The following TIA1 variants were observed in gnomAD, a reference collection of about 807,000 sequenced individuals.
The protein encoded by TIA1 is cytotoxic granule associated RNA binding protein TIA1.
In TIA1, 23 loss-of-function variants were observed where a neutral mutation model predicts 65.9. That is an observed-to-expected ratio of 0.35 (90% CI 0.25 to 0.49). TIA1 has a LOEUF of 0.49. TIA1 is among the 20% of genes least tolerant of loss of function. TIA1 has a pLI of 0.98. For synonymous variants in TIA1, 147 were observed against 149.4 expected, an observed-to-expected ratio of 0.98 and a Z score of 0.12; for missense variants, 371 against 477.9, an observed-to-expected ratio of 0.78 and a Z score of 2.09.
intron 7 of TIA1, 52 bp downstream of exon 7, chr2:70,224,502 T>C (rs945386475): frequency 1.9e-6 from 3 of 1,609,124 alleles, no homozygotes; most frequent in Non-Finnish European, 2.5e-6. Flanking sequence ...AAACGGAGTG[T>C]TTCCATTCTT....
chr2:70,231,921 C>T (rs910563726), intron 2 of TIA1, among the ~76,000 whole-genome samples: 3 of 152,102 alleles, frequency 2.0e-5, no homozygotes, highest in Non-Finnish European at 2.9e-5. Context: ...ATTATCTTCC[C>T]GCCAGGCGCA....
chr2:70,223,391 T>C (rs987265702), intron 7 of TIA1, among the ~76,000 whole-genome samples: 4 of 152,184 alleles, frequency 2.6e-5, no homozygotes, highest in Admixed American at 6.5e-5. Flanking sequence ...TGAGCTTGTA[T>C]TGTTTTCACC....
At chr2:70,232,219 A>AAG (rs1553447438) in intron 2 of TIA1, among the ~76,000 whole-genome samples, 1 of 146,606 alleles carries the variant, frequency 6.8e-6, no homozygotes, top group Non-Finnish European at 1.5e-5. Context: ...AAAAAAAAAA[A>AAG]AAAAAAGAAA....
chr2:70,231,803 T>C (rs1258667493), intron 2 of TIA1, among the ~76,000 whole-genome samples: 1 of 152,186 alleles, frequency 6.6e-6, no homozygotes, highest in Admixed American at 6.5e-5. Context: ...TATAGGTAAA[T>C]AGGCTCTGAA....
At chr2:70,213,044 G>C (rs1353689080) in intron 12 of TIA1, among the ~76,000 whole-genome samples, 199 bp from the exon 13 acceptor site, 1 of 152,182 alleles carries the variant, frequency 6.6e-6, no homozygotes, top group Admixed American at 6.5e-5. Context: ...ATCCCTGTAT[G>C]TTTAATTTGG....
intron 1 of TIA1, among the ~76,000 whole-genome samples, chr2:70,242,409 G>C (rs1280033566): frequency 7.7e-6 from 1 of 130,334 alleles, no homozygotes; most frequent in Non-Finnish European, 1.6e-5. Flanking sequence ...GTGGGCGAGA[G>C]AATCACCTGA....
rs543287782 is a variant in TIA1 at position 70,217,908 on chromosome 2, A to ATC, written c.475-915_475-914insGA. ...AGATATCATAAAGTTCATGCAACTC[A>ATC]GACTACTATAGAAGAAAATCTTAAA... On this transcript the variant is annotated intron_variant, in intron 7 of 12. Transcript: ENST00000433529. Among the ~76,000 whole-genome samples, 173 of 152,362 alleles carry ATC rather than the reference A, an allele frequency of 1.1e-3. No homozygotes were observed. In the South Asian group the frequency reaches 0.021, roughly 19 times the overall value.
At chr2:70,245,265 G>A (rs1693786539) in intron 1 of TIA1, among the ~76,000 whole-genome samples, 2 of 152,344 alleles carry the variant, frequency 1.3e-5, no homozygotes, top group Non-Finnish European at 2.9e-5. Flanking sequence ...GGGATTACAG[G>A]TGTGAGCCAC....
chr2:70,240,349 C>T (rs1369133390), intron 1 of TIA1, among the ~76,000 whole-genome samples: 1 of 152,110 alleles, frequency 6.6e-6, no homozygotes, highest in East Asian at 1.9e-4. Flanking sequence ...AAAACAATTC[C>T]ATGAATCCAG....
rs1446972622 is a variant in TIA1 at position 70,211,385 on chromosome 2, T to TGA, written c.*1333_*1334insTC. The TGA allele has an allele frequency of 6.6e-6, 1 of 152,152 alleles. No individual in the cohort carries two copies. Among genetic ancestry groups the TGA allele is most frequent in the Non-Finnish European group, 1.5e-5 (1 of 68,022 alleles). The allele number at this position is 152,152 out of a possible 1,614,324, so 9.4% of individuals were successfully genotyped here. On this transcript the variant is annotated 3_prime_UTR_variant, in exon 13 of 13. Transcript: ENST00000433529. Reference sequence around the variant, plus strand: ...ATAATGATTGCACTGAGGATTCTCTTATCTGAAGGCTGTTTAAAGAGGTAG... The same window carrying TGA: ...ATAATGATTGCACTGAGGATTCTCTTGAATCTGAAGGCTGTTTAAAGAGGTAG...
chr2:70,236,202 C>CA, intron 1 of TIA1, 27 bp from the exon 2 acceptor site: 19 of 1,179,450 alleles, frequency 1.6e-5, no homozygotes, highest in African/African-American at 3.2e-5. Context: ...AACAATTTAC[C>CA]TTTTTTTTTT....
intron 2 of TIA1, among the ~76,000 whole-genome samples, chr2:70,231,526 C>T (rs1343948341): frequency 6.6e-6 from 1 of 151,876 alleles, no homozygotes; most frequent in Non-Finnish European, 1.5e-5. Flanking sequence ...TACTATAGTA[C>T]TATAATTTAA....
At chr2:70,234,571 T>C (rs1457223923) in intron 2 of TIA1, among the ~76,000 whole-genome samples, 4 of 152,148 alleles carry the variant, frequency 2.6e-5, no homozygotes, top group Non-Finnish European at 4.4e-5. Flanking sequence ...ATTGGATAAA[T>C]ATATATTTTT....
At chr2:70,240,151 G>A (rs1288462212) in intron 1 of TIA1, among the ~76,000 whole-genome samples, 1 of 152,008 alleles carries the variant, frequency 6.6e-6, no homozygotes, top group African/African-American at 2.4e-5. Flanking sequence ...TGAGAGCTTT[G>A]GCTGTTACCA....
Position 70,247,631 on chromosome 2 carries a change from T to C in TIA1, c.26+774A>G, listed in dbSNP as rs202122154. Among the ~76,000 whole-genome samples, 15 of 152,108 alleles carry C rather than the reference T, an allele frequency of 9.9e-5. No homozygotes were observed. The East Asian group carries it at 2.9e-3, about 29-fold the overall frequency. On this transcript the variant is annotated intron_variant, in intron 1 of 12. Coordinates refer to ENST00000433529, the MANE Select transcript of TIA1 (RefSeq NM_022173.4). ...TCCACGCTCCGGTAATTTAACGCTA[T>C]CTCTAAAAATTCTCTGTAAATATGT... is the stretch of plus-strand genomic sequence containing the variant.
intron 1 of TIA1, among the ~76,000 whole-genome samples, chr2:70,243,729 A>G: frequency 6.6e-6 from 1 of 152,322 alleles, no homozygotes; most frequent in Non-Finnish European, 1.5e-5. Flanking sequence ...GATATTACAC[A>G]TTTTAAAATA....
rs201244553 is a variant in TIA1 at position 70,230,713 on chromosome 2, A to T, written c.222+43T>A. On this transcript the variant is annotated intron_variant, in intron 3 of 12. Transcript: ENST00000433529. ...GGAAACAAAATCATATATAACTTAA[A>T]TTTTTTCAGTGCAAGTCACCTTCTT... 225 of 1,439,640 alleles carry T rather than the reference A, an allele frequency of 1.6e-4. No homozygotes were observed. The East Asian group carries it at 5.2e-3, about 33-fold the overall frequency. The allele number at this position is 1,439,640 out of a possible 1,614,324, so 89.2% of individuals were successfully genotyped here. A position where few individuals can be genotyped will look rare whatever the true frequency, so the allele number is the denominator to read the frequency against.
chr2:70,234,611 G>C (rs1332627307), intron 2 of TIA1, among the ~76,000 whole-genome samples: 2 of 152,180 alleles, frequency 1.3e-5, no homozygotes, highest in African/African-American at 4.8e-5. Flanking sequence ...GCCCAGGCTG[G>C]AGTGCAATGG....
chr2:70,228,070 TAC>T (rs1257890680), intron 5 of TIA1, among the ~76,000 whole-genome samples: 5 of 152,320 alleles, frequency 3.3e-5, no homozygotes, highest in African/African-American at 9.6e-5. Flanking sequence ...TATTTCTATT[TAC>T]AGTCAATTAT....
Sources: allele counts gnomAD v4.1 joint callset (sites outside exome capture counted in the v4.1 genomes callset), GRCh38; gene constraint gnomAD v4.1.1; transcripts MANE v1.5; gene names NCBI Gene and HGNC (gene_info 2026-07-23, HGNC 2026-07-21).